GLIS1: variants seen among roughly 807,000 people sequenced by gnomAD.
GLIS1 encodes the protein zinc finger protein GLIS1.
A neutral mutation model predicts 63.8 loss-of-function variants in GLIS1; 24 were observed. The observed-to-expected ratio is 0.38, with a 90% CI of 0.27 to 0.53. GLIS1 has a LOEUF of 0.53. GLIS1 is among the 20% of genes least tolerant of loss of function. The pLI is 0.85. For missense variants in GLIS1, 1,036 were observed against 1,074.1 expected (o/e 0.96, Z 0.50); for synonymous variants, 450 against 482.5 (o/e 0.93, Z 0.88).
At chr1:53,706,080 G>A (rs951132360) in intron 2 of GLIS1, among the ~76,000 whole-genome samples, 2 of 152,140 alleles carry the variant, frequency 1.3e-5, no homozygotes, top group Non-Finnish European at 2.9e-5. Context: ...CAATAATATT[G>A]GCTAATGTAC....
chr1:53,662,379 A>G (rs1031565104), intron 2 of GLIS1, among the ~76,000 whole-genome samples: 9 of 152,218 alleles, frequency 5.9e-5, no homozygotes, highest in East Asian at 1.9e-4. Flanking sequence ...TGTGTTCCCA[A>G]TGAGGTAATG....
chr1:53,619,525 A>C (rs1387198339), intron 2 of GLIS1, among the ~76,000 whole-genome samples: 2 of 152,212 alleles, frequency 1.3e-5, no homozygotes, highest in East Asian at 1.9e-4. Context: ...TGCTAGATAC[A>C]TCAATCAGCC....
At position 53,574,096 on chromosome 1, in the gene GLIS1, C is replaced by G. The variant is rs1209031234; in HGVS notation, c.1320+20012G>C. On this transcript the variant is annotated intron_variant, in intron 4 of 10. Coordinates refer to ENST00000628545, the MANE Select transcript of GLIS1 (RefSeq NM_001367484.1). The surrounding 1 kb of genome is among the most constrained non-coding windows in gnomAD (Gnocchi z 4.2). ...CACTCAGATGGCAGAACTCCGTGAT[C>G]TGGGTGGGGCCTCACCACTCTGAGA... 6.6e-6 allele frequency among the ~76,000 whole-genome samples: 1 copy of G among 152,216 alleles called. No individual in the cohort carries two copies. Among genetic ancestry groups the G allele is most frequent in the Non-Finnish European group, 1.5e-5 (1 of 68,028 alleles).
chr1:53,692,676 G>A (rs75154312), intron 2 of GLIS1, among the ~76,000 whole-genome samples: 3,258 of 152,306 alleles, frequency 0.021, 110 homozygotes, highest in African/African-American at 0.071. Context: ...GTGGAAGTGG[G>A]GGACCCTGAC....
chr1:53,693,423 C>T (rs1557525516), intron 2 of GLIS1, among the ~76,000 whole-genome samples: 2 of 152,236 alleles, frequency 1.3e-5, no homozygotes. Flanking sequence ...AGGCATCTGG[C>T]CAACCACTTG....
In GLIS1 at chr1:53,579,870, T is replaced by A. The variant is rs531553611; in HGVS notation, c.1320+14238A>T. Reference sequence around the variant, plus strand: ...GCTCCCTATCTCTCCAGTCCCAGTGTCTGCGTTGGAAAGATAGGGCAATGG... The same window carrying A: ...GCTCCCTATCTCTCCAGTCCCAGTGACTGCGTTGGAAAGATAGGGCAATGG... On this transcript the variant is annotated intron_variant, in intron 4 of 10. Transcript: ENST00000628545. Among the ~76,000 whole-genome samples the A allele has an allele frequency of 3.3e-5, 5 of 152,350 alleles. No individual in the cohort carries two copies. In the South Asian group the frequency reaches 1.0e-3, roughly 32 times the overall value.
Position 53,594,167 on chromosome 1 carries a change from G to C in GLIS1, c.1261C>G (p.Arg421Gly). Reference protein sequence around the residue: ...CVRRYKPFNARYKLLIHMRVH... With the variant: ...CVRRYKPFNAGYKLLIHMRVH... ...CGCATGTGGATGAGCAGCTTGTAGC[G>C]GGCGTTGAAGGGCTTGTAGCGGCGC... The change falls in exon 4 of 11, where the codon CGC becomes GGC. Residue 421 changes from arginine (R) to glycine (G), a missense_variant. By Grantham distance (125) the Arg-to-Gly change is moderately radical. Coordinates refer to ENST00000628545, the MANE Select transcript of GLIS1 (RefSeq NM_001367484.1). 1 of 1,613,848 alleles carries C rather than the reference G, an allele frequency of 6.2e-7. No individual in the cohort carries two copies. The highest frequency in any genetic ancestry group is 8.5e-7 in the Non-Finnish European group (1 of 1,179,808).
rs767976670 is a variant in GLIS1, at chr1:53,594,845, G to A, written c.583C>T (p.Leu195=). ...AHCRGPLATG[L]HPDLDLPGRS... ...CCCGGGAGGTCCAGGTCTGGGTGCAGGCCAGTGGCCAGCGGGCCCCGACAG... is the reference window on the plus strand; with the variant it reads ...CCCGGGAGGTCCAGGTCTGGGTGCAAGCCAGTGGCCAGCGGGCCCCGACAG... The change falls in exon 4 of 11, where the codon CTG becomes TTG. Residue 195 remains leucine, a synonymous_variant. Coordinates refer to ENST00000628545, the MANE Select transcript of GLIS1 (RefSeq NM_001367484.1). The A allele has an allele frequency of 3.1e-6, 5 of 1,597,348 alleles. No homozygotes were observed. In the Admixed American group the frequency reaches 8.6e-5, roughly 27 times the overall value.
chr1:53,545,463 T>C (rs1219331504), intron 4 of GLIS1, among the ~76,000 whole-genome samples: 1 of 152,204 alleles, frequency 6.6e-6, no homozygotes, highest in Non-Finnish European at 1.5e-5. Context: ...TTCACTCAGC[T>C]AACTGTTCAT....
intron 4 of GLIS1, among the ~76,000 whole-genome samples, chr1:53,588,082 G>A (rs533256594): frequency 2.6e-5 from 4 of 152,260 alleles, no homozygotes; most frequent in South Asian, 2.1e-4. Context: ...GATCATGCAC[G>A]TGGAAGCACT....
intron 2 of GLIS1, chr1:53,734,330 A>G (rs1646892753): frequency 2.9e-6 from 1 of 341,694 alleles, no homozygotes; most frequent in South Asian, 1.2e-4. Flanking sequence ...TGGCATAGAT[A>G]CTAGTTACCA....
chr1:53,567,603 A>G (rs2100455519), intron 4 of GLIS1, among the ~76,000 whole-genome samples: 1 of 152,336 alleles, frequency 6.6e-6, no homozygotes, highest in Non-Finnish European at 1.5e-5. Context: ...CCCTCCCATT[A>G]CAGGACCAGA....
intron 2 of GLIS1, among the ~76,000 whole-genome samples, chr1:53,657,032 C>G (rs1645973668): frequency 6.6e-6 from 1 of 152,062 alleles, no homozygotes; most frequent in African/African-American, 2.4e-5. Context: ...ACAGTCCCCA[C>G]ACCTTTGACA....
chr1:53,672,880 G>A (rs928085998), intron 2 of GLIS1, among the ~76,000 whole-genome samples: 4 of 152,196 alleles, frequency 2.6e-5, no homozygotes, highest in African/African-American at 4.8e-5. Flanking sequence ...TGGCAAGAGC[G>A]CCCTGGAGCT....
intron 2 of GLIS1, among the ~76,000 whole-genome samples, chr1:53,726,578 G>A (rs1366343497): frequency 6.6e-6 from 1 of 152,080 alleles, no homozygotes; most frequent in Admixed American, 6.5e-5. Flanking sequence ...AGAGGTGGGG[G>A]TGTGCCTCCA....
chr1:53,595,319 G>A lies in GLIS1; in HGVS notation c.438-329C>T, dbSNP rs116612310. On this transcript the variant is annotated intron_variant, in intron 3 of 10. Transcript: ENST00000628545. ...ACTGCTTGAGTCCAGGAGTGTTCAC[G>A]ACCAGCTTGGGCTACATAGTGAGAC... Among the ~76,000 whole-genome samples, 1,192 of 152,240 alleles carry A rather than the reference G, an allele frequency of 7.8e-3. 23 individuals are homozygous for A. The highest frequency in any genetic ancestry group is 0.027 in the African/African-American group (1,137 of 41,530).
intron 2 of GLIS1, among the ~76,000 whole-genome samples, chr1:53,627,352 C>T (rs959283758): frequency 6.6e-6 from 1 of 152,166 alleles, no homozygotes; most frequent in Non-Finnish European, 1.5e-5. Context: ...GGCACCGGAC[C>T]GCTTCCCTGA....
chr1:53,679,357 G>GT (rs1216602884), intron 2 of GLIS1, among the ~76,000 whole-genome samples: 1 of 152,362 alleles, frequency 6.6e-6, no homozygotes, highest in Admixed American at 6.5e-5. Flanking sequence ...TGAATTTACT[G>GT]TTTGTTTACT....
intron 2 of GLIS1, among the ~76,000 whole-genome samples, chr1:53,655,045 C>T (rs1026648851): frequency 8.5e-5 from 13 of 152,224 alleles, no homozygotes; most frequent in South Asian, 6.2e-4. Context: ...GAGCAGGTGA[C>T]GGGGCCTAGT....
Sources: gnomAD v4.1 joint callset for allele counts (sites outside exome capture counted in the v4.1 genomes callset) on GRCh38, gnomAD v4.1.1 for gene constraint, Gnocchi (gnomAD v3.1) non-coding constraint, MANE v1.5 for transcripts, NCBI Gene and HGNC (gene_info 2026-07-23, HGNC 2026-07-21) for gene names.